CSMD1: variants seen among roughly 807,000 people sequenced by gnomAD.
The protein encoded by CSMD1 is CUB and sushi domain-containing protein 1.
A neutral mutation model predicts 417.5 loss-of-function variants in CSMD1; 213 were observed. That is an observed-to-expected ratio of 0.51 (90% CI 0.46 to 0.57). CSMD1 has a LOEUF of 0.57. CSMD1 is among the 20% of genes least tolerant of loss of function. The pLI is 0.00. For synonymous variants in CSMD1, 2,862 were observed against 1,736.8 expected, an observed-to-expected ratio of 1.65 and a Z score of -16.11; for missense variants, 6,923 against 4,529.7, an observed-to-expected ratio of 1.53 and a Z score of -15.17.
intron 2 of CSMD1, among the ~76,000 whole-genome samples, chr8:4,612,951 G>C (rs995179567): frequency 6.6e-6 from 1 of 152,164 alleles, no homozygotes; most frequent in Admixed American, 6.5e-5. Context: ...CTGATGCTGT[G>C]ACACAGGGAC....
At chr8:3,777,994 A>C (rs935291753) in intron 5 of CSMD1, among the ~76,000 whole-genome samples, 1 of 152,130 alleles carries the variant, frequency 6.6e-6, no homozygotes, top group Admixed American at 6.5e-5. Context: ...CTCAGTACCC[A>C]CTCCAGACCT....
intron 51 of CSMD1, among the ~76,000 whole-genome samples, chr8:3,024,707 C>G (rs1809721329): frequency 6.6e-6 from 1 of 152,186 alleles, no homozygotes; most frequent in Non-Finnish European, 1.5e-5. Flanking sequence ...TGTGTTTTCT[C>G]TGATACTATT....
At chr8:4,871,674 T>G (rs1802746124) in intron 1 of CSMD1, among the ~76,000 whole-genome samples, 1 of 152,144 alleles carries the variant, frequency 6.6e-6, no homozygotes, top group East Asian at 1.9e-4. Context: ...TATCATAAAA[T>G]TAAATATTAA....
intron 10 of CSMD1, among the ~76,000 whole-genome samples, chr8:3,551,598 T>A (rs11136634): frequency 0.36 from 33,643 of 93,060 alleles, 3,285 homozygotes; most frequent in African/African-American, 0.42. Flanking sequence ...ATATATATAT[T>A]TTTTTTTTTT....
At chr8:4,274,098 A>C (rs922732656) in intron 3 of CSMD1, among the ~76,000 whole-genome samples, 1 of 152,180 alleles carries the variant, frequency 6.6e-6, no homozygotes, top group East Asian at 1.9e-4. Flanking sequence ...TACTATATGG[A>C]ACATATTAAA....
At chr8:3,439,122 C>CAAAAAAAAA (rs1158997352) in intron 12 of CSMD1, among the ~76,000 whole-genome samples, 1 of 2,484 alleles carries the variant, frequency 4.0e-4, no homozygotes, top group Non-Finnish European at 5.8e-4. Context: ...GACTCCATCT[C>CAAAAAAAAA]AAAAAAAAAA....
intron 5 of CSMD1, among the ~76,000 whole-genome samples, chr8:3,819,932 T>G (rs1273481752): frequency 6.6e-6 from 1 of 152,150 alleles, no homozygotes; most frequent in Non-Finnish European, 1.5e-5. Context: ...ACGCCACAGC[T>G]TCGCCTCTCC....
chr8:4,146,417 A>G lies in CSMD1; in HGVS notation c.416-114318T>C, dbSNP rs542200312. Among the ~76,000 whole-genome samples the G allele has an allele frequency of 8.8e-4, 132 of 150,436 alleles. 2 individuals carry two copies. The highest frequency in any genetic ancestry group is 1.5e-3 in the Non-Finnish European group (102 of 67,946). ...TTGATAATGTGGCACAGCAGACTCC[A>G]AAGACGTGTACCCAGGATGTGTCTC... On this transcript the variant is annotated intron_variant, in intron 3 of 69. Transcript: ENST00000635120.
intron 1 of CSMD1, among the ~76,000 whole-genome samples, chr8:4,897,829 T>G (rs117054550): frequency 1.3e-5 from 2 of 152,192 alleles, no homozygotes; most frequent in Non-Finnish European, 2.9e-5. Flanking sequence ...AATAAGTTTT[T>G]GTATAATGCT....
At chr8:4,449,672 G>A (rs1030038968) in intron 2 of CSMD1, among the ~76,000 whole-genome samples, 3 of 152,238 alleles carry the variant, frequency 2.0e-5, no homozygotes, top group Non-Finnish European at 2.9e-5. Flanking sequence ...AGCCTGAGAG[G>A]AATGGGATGG....
At chr8:3,886,515 C>T (rs957200413) in intron 5 of CSMD1, among the ~76,000 whole-genome samples, 1 of 152,204 alleles carries the variant, frequency 6.6e-6, no homozygotes, top group Non-Finnish European at 1.5e-5. Context: ...AGCAGTGCTG[C>T]TGAAGTTTGA....
At chr8:3,313,519 C>T (rs571549077) in intron 23 of CSMD1, among the ~76,000 whole-genome samples, 1 of 152,316 alleles carries the variant, frequency 6.6e-6, no homozygotes, top group Non-Finnish European at 1.5e-5. Flanking sequence ...AAATGCTCAT[C>T]ATCACTGGCC....
chr8:3,478,704 A>G (rs1474796554), intron 11 of CSMD1, among the ~76,000 whole-genome samples: 1 of 152,188 alleles, frequency 6.6e-6, no homozygotes, highest in East Asian at 1.9e-4. Flanking sequence ...CTACCAGACT[A>G]CGCAGCACCA....
intron 3 of CSMD1, among the ~76,000 whole-genome samples, chr8:4,140,216 C>T (rs1206702666): frequency 6.8e-6 from 1 of 147,948 alleles, no homozygotes; most frequent in Non-Finnish European, 1.5e-5. Context: ...AACAAAAATT[C>T]ATCTGGATAT....
chr8:3,648,538 T>G (rs909875363), intron 7 of CSMD1, among the ~76,000 whole-genome samples: 4 of 152,180 alleles, frequency 2.6e-5, no homozygotes, highest in Non-Finnish European at 4.4e-5. Context: ...ACGATTTACT[T>G]TTTCTTTGAT....
chr8:3,658,885 T>A (rs1390232455), intron 7 of CSMD1, among the ~76,000 whole-genome samples: 3 of 152,230 alleles, frequency 2.0e-5, no homozygotes, highest in Non-Finnish European at 4.4e-5. Context: ...TCGAATGCCT[T>A]CTGTTTTGCC....
chr8:3,355,076 A>G (rs1449356523), intron 21 of CSMD1, among the ~76,000 whole-genome samples: 3 of 152,036 alleles, frequency 2.0e-5, no homozygotes. Flanking sequence ...TCAAAAACTG[A>G]GGATAAGGGT....
chr8:4,276,377 G>A (rs530112626), intron 3 of CSMD1, among the ~76,000 whole-genome samples: 92 of 152,252 alleles, frequency 6.0e-4, no homozygotes, highest in Non-Finnish European at 1.1e-3. Flanking sequence ...CACAAGAACA[G>A]AAAACTAAAC....
At chr8:4,223,929 T>C (rs576228906) in intron 3 of CSMD1, among the ~76,000 whole-genome samples, 1 of 152,306 alleles carries the variant, frequency 6.6e-6, no homozygotes, top group African/African-American at 2.4e-5. Flanking sequence ...GTTAATAACA[T>C]CCAGGGGTCC....
Sources: gnomAD v4.1 joint callset for allele counts (sites outside exome capture counted in the v4.1 genomes callset) on GRCh38, gnomAD v4.1.1 for gene constraint, MANE v1.5 for transcripts, NCBI Gene and HGNC (gene_info 2026-07-23, HGNC 2026-07-21) for gene names.